The following ASIC2 variants were observed in gnomAD, a reference collection of about 807,000 sequenced individuals.
ASIC2 encodes the protein acid sensing ion channel subunit 2.
A neutral mutation model predicts 57.3 loss-of-function variants in ASIC2; 25 were observed. The ratio of observed to expected loss-of-function variants is 0.44; its 90% CI spans 0.32 to 0.61. The LOEUF is 0.61. Among genes scored for constraint, ASIC2 ranks in the 20% least tolerant of loss-of-function variants. The probability of loss-of-function intolerance (pLI) is 0.06; values close to 1 mark genes in which losing one functional copy is unlikely to be tolerated. For missense variants in ASIC2, 641 were observed against 738.1 expected (o/e 0.87, Z 1.52); for synonymous variants, 319 against 307.5 (o/e 1.04, Z -0.39).
At chr17:34,016,418 C>T (rs1348559393) in intron 1 of ASIC2, among the ~76,000 whole-genome samples, 2 of 113,262 alleles carry the variant, frequency 1.8e-5, no homozygotes, top group Non-Finnish European at 3.3e-5. Context: ...AGCGAGACTC[C>T]GTCTCAAAAA....
At chr17:33,645,589 C>T (rs1462086977) in intron 1 of ASIC2, among the ~76,000 whole-genome samples, 1 of 152,182 alleles carries the variant, frequency 6.6e-6, no homozygotes, top group Non-Finnish European at 1.5e-5. Context: ...TGAATGGGGA[C>T]ACTGAGCTAA....
intron 1 of ASIC2, among the ~76,000 whole-genome samples, chr17:33,748,461 G>A (rs531971140): frequency 6.6e-6 from 1 of 152,312 alleles, no homozygotes; most frequent in African/African-American, 2.4e-5. Context: ...CAGGGCATTC[G>A]GGAGAAAGAA....
intron 1 of ASIC2, among the ~76,000 whole-genome samples, chr17:33,336,023 C>G (rs1289941928): frequency 6.6e-6 from 1 of 152,116 alleles, no homozygotes; most frequent in Admixed American, 6.5e-5. Context: ...TGTTCAGCAA[C>G]CCCAATCCTG....
At chr17:33,942,214 G>A (rs1273805889) in intron 1 of ASIC2, among the ~76,000 whole-genome samples, 2 of 152,136 alleles carry the variant, frequency 1.3e-5, no homozygotes, top group Non-Finnish European at 2.9e-5. Flanking sequence ...GGAGAGCTGG[G>A]GAATCCAAGT....
At chr17:33,592,350 G>T (rs1904853623) in intron 1 of ASIC2, among the ~76,000 whole-genome samples, 1 of 152,216 alleles carries the variant, frequency 6.6e-6, no homozygotes, top group Admixed American at 6.5e-5. Flanking sequence ...CTAGCTGCCG[G>T]AGCCTTCTCT....
At chr17:33,811,581 G>A (rs1345543314) in intron 1 of ASIC2, among the ~76,000 whole-genome samples, 3 of 152,186 alleles carry the variant, frequency 2.0e-5, no homozygotes, top group Non-Finnish European at 4.4e-5. Flanking sequence ...TCATCCCTAA[G>A]AGATCACAGC....
intron 1 of ASIC2, among the ~76,000 whole-genome samples, chr17:34,103,696 A>C (rs761519581): frequency 2.6e-5 from 4 of 152,042 alleles, no homozygotes; most frequent in Non-Finnish European, 5.9e-5. Flanking sequence ...GTTTCAGCAC[A>C]ATTTGTTGAA....
intron 1 of ASIC2, among the ~76,000 whole-genome samples, chr17:33,169,452 A>G (rs1237181099): frequency 2.0e-5 from 3 of 152,212 alleles, no homozygotes; most frequent in African/African-American, 7.2e-5. Flanking sequence ...CTGGTAAACC[A>G]CTCGGCTCAG....
chr17:33,459,016 G>A (rs562289226), intron 1 of ASIC2, among the ~76,000 whole-genome samples: 1 of 152,026 alleles, frequency 6.6e-6, no homozygotes, highest in South Asian at 2.1e-4. Context: ...TATAGACAAC[G>A]GGGCTCTTCT....
At chr17:33,858,260 G>A (rs1453019584) in intron 1 of ASIC2, among the ~76,000 whole-genome samples, 6 of 152,200 alleles carry the variant, frequency 3.9e-5, no homozygotes, top group Admixed American at 2.6e-4. Flanking sequence ...TGTGAGGGAG[G>A]TAAAACAAAC....
intron 1 of ASIC2, among the ~76,000 whole-genome samples, chr17:34,119,500 G>A (rs1266215179): frequency 6.6e-6 from 1 of 151,992 alleles, no homozygotes; most frequent in Admixed American, 6.6e-5. Context: ...CTTATTTTGT[G>A]TGCCTCCAAA....
intron 1 of ASIC2, among the ~76,000 whole-genome samples, chr17:33,313,519 G>A (rs1906519224): frequency 6.6e-6 from 1 of 152,010 alleles, no homozygotes; most frequent in African/African-American, 2.4e-5. Flanking sequence ...ATATAATTAG[G>A]TCCAATAAAT....
chr17:33,081,317 G>T (rs1285042919), intron 3 of ASIC2, among the ~76,000 whole-genome samples: 2 of 152,214 alleles, frequency 1.3e-5, no homozygotes, highest in Non-Finnish European at 2.9e-5. Flanking sequence ...GATGCTGAGT[G>T]GCAACAAGTG....
intron 1 of ASIC2, among the ~76,000 whole-genome samples, chr17:33,282,026 T>C (rs567506217): frequency 6.6e-6 from 1 of 152,352 alleles, no homozygotes; most frequent in Admixed American, 6.5e-5. Context: ...TGAAACTAGA[T>C]GCATGTTTGT....
chr17:34,013,196 G>C (rs114478790), intron 1 of ASIC2, among the ~76,000 whole-genome samples: 1,549 of 152,344 alleles, frequency 0.01, 27 homozygotes, highest in African/African-American at 0.035. Context: ...ACCAGAGGGA[G>C]AGTTTGTCAG....
intron 1 of ASIC2, among the ~76,000 whole-genome samples, chr17:34,099,209 A>AAAGAAGG (rs1263986039): frequency 7.9e-6 from 1 of 126,714 alleles, no homozygotes; most frequent in Non-Finnish European, 1.6e-5. Context: ...AGAAAGAAAG[A>AAAGAAGG]AAGGAAAGAA....
chr17:33,442,024 A>G (rs1911841544), intron 1 of ASIC2, among the ~76,000 whole-genome samples: 1 of 152,216 alleles, frequency 6.6e-6, no homozygotes, highest in South Asian at 2.1e-4. Flanking sequence ...TGCTTGTTGA[A>G]CAACCCATAC....
chr17:33,195,487 A>G (rs1248497765), intron 1 of ASIC2, among the ~76,000 whole-genome samples: 2 of 152,212 alleles, frequency 1.3e-5, no homozygotes, highest in Non-Finnish European at 2.9e-5. Flanking sequence ...GAGGATCATG[A>G]TAGTGATTGG....
chr17:33,713,138 G>A (rs1191323348), intron 1 of ASIC2, among the ~76,000 whole-genome samples: 2 of 152,196 alleles, frequency 1.3e-5, no homozygotes, highest in Non-Finnish European at 2.9e-5. Flanking sequence ...TTAGGAACAG[G>A]TCACTAGGAC....
Sources: gnomAD v4.1 joint callset for allele counts (sites outside exome capture counted in the v4.1 genomes callset) on GRCh38, gnomAD v4.1.1 for gene constraint, MANE v1.5 for transcripts, NCBI Gene and HGNC (gene_info 2026-07-23, HGNC 2026-07-21) for gene names.